The following BCL11B variants were observed in gnomAD, a reference collection of about 807,000 sequenced individuals.
BCL11B encodes B-cell lymphoma/leukemia 11B.
Under a neutral mutation model 49.9 loss-of-function variants are expected in BCL11B, and 8 were observed. That is an observed-to-expected ratio of 0.16 (90% CI 0.09 to 0.29). BCL11B has a LOEUF of 0.29. Ranked by LOEUF, BCL11B falls within the 10% of genes least tolerant of loss-of-function variation. The pLI, the probability that BCL11B is intolerant of heterozygous loss-of-function variation, is 1.00. For missense variants in BCL11B, 1,006 were observed against 1,351.0 expected, an observed-to-expected ratio of 0.74 and a Z score of 4.00; for synonymous variants, 739 against 637.4, an observed-to-expected ratio of 1.16 and a Z score of -2.40.
chr14:99,176,809 T>C (rs1326415694), intron 3 of BCL11B, among the ~76,000 whole-genome samples: 1 of 152,086 alleles, frequency 6.6e-6, no homozygotes, highest in Non-Finnish European at 1.5e-5. Flanking sequence ...TGCCGAATCT[T>C]CCCAGGGAGG....
chr14:99,232,524 C>T lies in BCL11B; in HGVS notation c.428-967G>A, dbSNP rs1178017465. Among the ~76,000 whole-genome samples the T allele has an allele frequency of 6.6e-6, 1 of 152,176 alleles. No individual in the cohort carries two copies. The highest frequency in any genetic ancestry group is 1.5e-5 in the Non-Finnish European group (1 of 68,030). On this transcript the variant is annotated intron_variant, in intron 2 of 3. Coordinates refer to ENST00000357195, the MANE Select transcript of BCL11B (RefSeq NM_138576.4). This position sits in a 1 kb window ranked among gnomAD's most constrained non-coding sequence, Gnocchi z 5.1. ...CAACAAGAGGATGGGCAGCTGGGCC[C>T]AGCCGGCTTTGCCAGGGAGGCCCAG...
rs1887139603 is a variant in BCL11B at position 99,194,982 on chromosome 14, T to G, written c.641-18787A>C. On this transcript the variant is annotated intron_variant, in intron 3 of 3. Transcript: ENST00000357195. This position sits in a 1 kb window ranked among gnomAD's most constrained non-coding sequence, Gnocchi z 4.6. ...GTCCAGCCAGCCTGCCCTTGCTCCTTCCACCAATAAGTCACCTTAGCACAG... is the reference window on the plus strand; with the variant it reads ...GTCCAGCCAGCCTGCCCTTGCTCCTGCCACCAATAAGTCACCTTAGCACAG... 6.6e-6 allele frequency among the ~76,000 whole-genome samples: 1 copy of G among 152,166 alleles called. No individual in the cohort carries two copies. Among genetic ancestry groups the G allele is most frequent in the South Asian group, 2.1e-4 (1 of 4,818 alleles).
At chr14:99,246,171 G>C (rs908355002) in intron 2 of BCL11B, among the ~76,000 whole-genome samples, 3 of 152,146 alleles carry the variant, frequency 2.0e-5, no homozygotes, top group South Asian at 2.1e-4. Context: ...CAGGCCGAGT[G>C]GGGGAGGGGA....
In BCL11B at chr14:99,257,828, G is replaced by A. The variant is rs1265307819; in HGVS notation, c.70C>T (p.His24Tyr). 2.0e-6 allele frequency: 3 copies of A among 1,537,344 alleles called. No homozygotes were observed. Among genetic ancestry groups the A allele is most frequent in the Non-Finnish European group, 1.8e-6 (2 of 1,138,784 alleles). ...QRELITPEAD[H>Y]VEAAILEEDE... The stretch of plus-strand genomic sequence containing the variant: ...TCTTCGAGGATGGCGGCCTCCACAT[G>A]GTCAGCCTCTGCTGGAGACAGAAAG... Residue 24 changes from histidine (H) to tyrosine (Y), a missense_variant, in exon 2 of 4, where the codon CAT (histidine) becomes TAT (tyrosine). This residue lies in a region of BCL11B where 411 missense variants were observed against 542.2 expected (regional missense o/e 0.76). Transcript: ENST00000357195. This position sits in a 1 kb window ranked among gnomAD's most constrained non-coding sequence, Gnocchi z 6.2.
At chr14:99,176,313 C>T (rs1886528930) in intron 3 of BCL11B, 118 bp from the exon 4 acceptor site, 4 of 928,270 alleles carry the variant, frequency 4.3e-6, no homozygotes, top group Non-Finnish European at 6.2e-6. Context: ...ATCCCAGTGC[C>T]CTGCCTGACA....
At chr14:99,225,620 A>C (rs182682298) in intron 3 of BCL11B, among the ~76,000 whole-genome samples, 125 of 152,184 alleles carry the variant, frequency 8.2e-4, no homozygotes, top group African/African-American at 2.8e-3. Flanking sequence ...AAACAGCCAA[A>C]CTCCTTTTTA....
rs1886337328 is a variant in BCL11B at position 99,172,919 on chromosome 14, AAG to A, written c.*1230_*1231del. ...AACTCATCCCCTGCTTTTTCAGTAA[AAG>A]AGAATAGAAATTTGCAAGATCCCCA... On this transcript the variant is annotated 3_prime_UTR_variant, in exon 4 of 4. Coordinates refer to ENST00000357195, the MANE Select transcript of BCL11B (RefSeq NM_138576.4). 4.4e-6 allele frequency: 1 copy of A among 228,566 alleles called. No homozygotes were observed. The highest frequency in any genetic ancestry group is 8.7e-6 in the Non-Finnish European group (1 of 115,132). 14.2% of individuals were successfully genotyped at this position (228,566 alleles called of 1,614,324 possible). A position where few individuals can be genotyped will look rare whatever the true frequency, so the allele number is the denominator to read the frequency against.
Position 99,184,683 on chromosome 14 carries a change from G to GCCA in BCL11B, c.641-8491_641-8489dup, listed in dbSNP as rs1886801665. ...TGACCATCCCTGGGAAGGAGCCTGA[G>GCCA]CCAGCCCTGTCTAATCATTCCGCCT... On this transcript the variant is annotated intron_variant, in intron 3 of 3. Coordinates refer to ENST00000357195, the MANE Select transcript of BCL11B (RefSeq NM_138576.4). This position sits in a 1 kb window ranked among gnomAD's most constrained non-coding sequence, Gnocchi z 6.1. 6.6e-6 allele frequency among the ~76,000 whole-genome samples: 1 copy of GCCA among 152,160 alleles called. No homozygotes were observed.
At chr14:99,240,339 C>G (rs1257846504) in intron 2 of BCL11B, among the ~76,000 whole-genome samples, 4 of 152,136 alleles carry the variant, frequency 2.6e-5, no homozygotes, top group African/African-American at 9.7e-5. Flanking sequence ...ACAGCTCTCC[C>G]CTGGATTTTG....
chr14:99,179,886 CT>C (rs1886651198), intron 3 of BCL11B, among the ~76,000 whole-genome samples: 1 of 152,182 alleles, frequency 6.6e-6, no homozygotes, highest in Non-Finnish European at 1.5e-5. Context: ...ATGAGGCTTG[CT>C]CACTTTCAGA....
At chr14:99,236,363 C>A (rs1047392379) in intron 2 of BCL11B, among the ~76,000 whole-genome samples, 1 of 152,170 alleles carries the variant, frequency 6.6e-6, no homozygotes, top group African/African-American at 2.4e-5. Flanking sequence ...AACGTGAAGT[C>A]AAATGCCTGG....
At position 99,270,091 on chromosome 14, in the gene BCL11B, G is replaced by T. The variant is rs940492669; in HGVS notation, c.58+1070C>A. Among the ~76,000 whole-genome samples, 11 of 151,922 alleles carry T rather than the reference G, an allele frequency of 7.2e-5. No individual in the cohort carries two copies. The East Asian group carries it at 2.1e-3, about 30-fold the overall frequency. ...CACCGTACCTGGCCCGCTCGCGCTC[G>T]CTTTTCCCCTCTGCTAAATAAACCC... On this transcript the variant is annotated intron_variant, in intron 1 of 3. Transcript: ENST00000357195.
At chr14:99,183,326 A>T (rs913439339) in intron 3 of BCL11B, among the ~76,000 whole-genome samples, 9 of 152,164 alleles carry the variant, frequency 5.9e-5, no homozygotes, top group African/African-American at 2.2e-4. Context: ...ACCTTAGCTT[A>T]TTTATTTAAA....
intron 3 of BCL11B, among the ~76,000 whole-genome samples, chr14:99,180,040 G>A (rs1886655890): frequency 6.6e-6 from 1 of 152,168 alleles, no homozygotes; most frequent in Admixed American, 6.5e-5. Flanking sequence ...TGAGCAGGCT[G>A]CTTCTGACTG....
chr14:99,226,058 G>A (rs543955313), intron 3 of BCL11B, among the ~76,000 whole-genome samples: 3 of 152,358 alleles, frequency 2.0e-5, no homozygotes, highest in African/African-American at 7.2e-5. Flanking sequence ...AATCAACAGC[G>A]CTTGCACGCC....
At position 99,169,338 on chromosome 14, in the gene BCL11B, C is replaced by A. The variant is rs1886215637; in HGVS notation, c.*4813G>T. 1.0e-5 allele frequency: 2 copies of A among 191,086 alleles called. No individual in the cohort carries two copies. Among genetic ancestry groups the A allele is most frequent in the African/African-American group, 2.3e-5 (1 of 42,908 alleles). The allele number at this position is 191,086 out of a possible 1,614,324, so 11.8% of individuals were successfully genotyped here. On this transcript the variant is annotated 3_prime_UTR_variant, in exon 4 of 4. Transcript: ENST00000357195. ...TTATTTTTATAACTTGAAACCAGAA[C>A]AAACTTGGTTTTGAACAAGCGTACA...
At chr14:99,200,946 G>A (rs1017765781) in intron 3 of BCL11B, among the ~76,000 whole-genome samples, 5 of 152,148 alleles carry the variant, frequency 3.3e-5, no homozygotes, top group African/African-American at 4.8e-5. Context: ...TCCAGCCTCC[G>A]TATCCTTTAT....
At chr14:99,259,464 G>A (rs1180199131) in intron 1 of BCL11B, among the ~76,000 whole-genome samples, 1 of 152,202 alleles carries the variant, frequency 6.6e-6, no homozygotes, top group Admixed American at 6.5e-5. Flanking sequence ...CGTACAACGC[G>A]CACGTATGAA....
chr14:99,246,745 G>A (rs1888854811), intron 2 of BCL11B, among the ~76,000 whole-genome samples: 1 of 152,170 alleles, frequency 6.6e-6, no homozygotes, highest in Non-Finnish European at 1.5e-5. Context: ...GGCAGGGCGG[G>A]GGAGGCTGTC....
Sources: gnomAD v4.1 joint callset for allele counts (sites outside exome capture counted in the v4.1 genomes callset) on GRCh38, gnomAD v4.1.1 for gene constraint, gnomAD v4.1.1 regional missense constraint, Gnocchi (gnomAD v3.1) non-coding constraint, MANE v1.5 for transcripts, NCBI Gene and HGNC (gene_info 2026-07-23, HGNC 2026-07-21) for gene names.